LRP1B: variants seen among roughly 807,000 people sequenced by gnomAD.
LRP1B encodes the protein LDL receptor related protein 1B.
Under a neutral mutation model 556.6 loss-of-function variants are expected in LRP1B, and 217 were observed. That is an observed-to-expected ratio of 0.39 (90% CI 0.35 to 0.44). The LOEUF is 0.44. LRP1B is among the 20% of genes least tolerant of loss of function. The probability of loss-of-function intolerance (pLI) is 1.00; values close to 1 mark genes in which losing one functional copy is unlikely to be tolerated. For synonymous variants in LRP1B, 2,047 were observed against 1,865.8 expected (o/e 1.10, Z -2.50); for missense variants, 5,053 against 5,620.8 (o/e 0.90, Z 3.23).
chr2:140,328,761 AACT>A (rs1680632192), intron 79 of LRP1B, among the ~76,000 whole-genome samples: 1 of 152,024 alleles, frequency 6.6e-6, no homozygotes, highest in African/African-American at 2.4e-5. Context: ...TCAGATTAGA[AACT>A]ACATTAAAGT....
intron 83 of LRP1B, among the ~76,000 whole-genome samples, chr2:140,301,231 A>T (rs565005087): frequency 6.6e-6 from 1 of 152,100 alleles, no homozygotes; most frequent in African/African-American, 2.4e-5. Flanking sequence ...CAGCAAACAA[A>T]CCAAAAAGCA....
At chr2:141,962,550 C>T (rs1701431369) in intron 1 of LRP1B, among the ~76,000 whole-genome samples, 1 of 151,572 alleles carries the variant, frequency 6.6e-6, no homozygotes, top group Non-Finnish European at 1.5e-5. Flanking sequence ...GCAAAGTTGC[C>T]AAGAATAAAT....
intron 84 of LRP1B, among the ~76,000 whole-genome samples, chr2:140,280,412 G>A (rs1302792724): frequency 6.6e-6 from 1 of 151,710 alleles, no homozygotes; most frequent in Non-Finnish European, 1.5e-5. Flanking sequence ...GATGAGTCTA[G>A]GTACATTGGT....
chr2:141,271,464 C>T (rs1685086984), intron 3 of LRP1B, among the ~76,000 whole-genome samples: 1 of 150,312 alleles, frequency 6.7e-6, no homozygotes, highest in African/African-American at 2.4e-5. Flanking sequence ...AGGACAGAGA[C>T]AAAGAAAAAA....
At chr2:141,754,974 C>T (rs552733778) in intron 2 of LRP1B, among the ~76,000 whole-genome samples, 14 of 151,952 alleles carry the variant, frequency 9.2e-5, no homozygotes, top group Non-Finnish European at 1.9e-4. Flanking sequence ...TATAAGATAA[C>T]CCATACCAAA....
chr2:141,826,559 C>G (rs990249685), intron 1 of LRP1B, among the ~76,000 whole-genome samples: 3 of 151,988 alleles, frequency 2.0e-5, no homozygotes, highest in Admixed American at 6.6e-5. Flanking sequence ...CAGTGTTTCA[C>G]CATGTTAGCC....
intron 32 of LRP1B, among the ~76,000 whole-genome samples, chr2:140,804,648 AATTTTTTTTTTTTTTTT>A (rs1255566110): frequency 1.1e-4 from 11 of 103,892 alleles, no homozygotes; most frequent in Non-Finnish European, 1.9e-4. Context: ...GGTAAAAACT[AATTTTTTTTTTTTTTTT>A]TTTTTTTTTT....
At chr2:140,488,528 C>A (rs1008364196) in intron 57 of LRP1B, among the ~76,000 whole-genome samples, 1 of 151,840 alleles carries the variant, frequency 6.6e-6, no homozygotes. Context: ...ACATTTGATT[C>A]GATTTGAGGA....
chr2:140,928,257 G>C (rs943181732), intron 20 of LRP1B, among the ~76,000 whole-genome samples: 3 of 152,202 alleles, frequency 2.0e-5, no homozygotes, highest in Non-Finnish European at 4.4e-5. Context: ...CATAAGTGCT[G>C]TGAAGAAAAC....
chr2:141,493,505 G>T (rs1172168995), intron 2 of LRP1B, among the ~76,000 whole-genome samples: 6 of 152,148 alleles, frequency 3.9e-5, no homozygotes. Flanking sequence ...GGCAACTTGA[G>T]GGGAATCTTG....
intron 2 of LRP1B, among the ~76,000 whole-genome samples, chr2:141,567,743 AC>A (rs1226982479): frequency 7.1e-6 from 1 of 141,192 alleles, no homozygotes. Flanking sequence ...GGGAAACTAA[AC>A]AGACCTTAAA....
intron 35 of LRP1B, among the ~76,000 whole-genome samples, chr2:140,738,314 T>A (rs1688017326): frequency 6.6e-6 from 1 of 152,074 alleles, no homozygotes; most frequent in Middle Eastern, 3.2e-3. Context: ...AATTTCCTCA[T>A]GGGGCAGGTG....
At chr2:140,447,004 A>C (rs879635186) in intron 63 of LRP1B, among the ~76,000 whole-genome samples, 2 of 152,134 alleles carry the variant, frequency 1.3e-5, no homozygotes, top group Non-Finnish European at 2.9e-5. Flanking sequence ...TGAGCTGAGG[A>C]CTTGAATAGG....
At chr2:141,266,874 A>C (rs1684909176) in intron 3 of LRP1B, among the ~76,000 whole-genome samples, 1 of 152,240 alleles carries the variant, frequency 6.6e-6, no homozygotes, top group Non-Finnish European at 1.5e-5. Context: ...TTGCTAAAAA[A>C]TAAATGTATA....
In LRP1B at chr2:140,963,443, TTA is replaced by T. The variant is rs140209072; in HGVS notation, c.2888-11505_2888-11504del. Among the ~76,000 whole-genome samples, 224 of 145,636 alleles carry T rather than the reference TTA, an allele frequency of 1.5e-3. 1 individual carries two copies. The highest frequency in any genetic ancestry group is 5.0e-3 in the African/African-American group (203 of 40,856). ...TGTGTGTGTGCATGTACATGCATAT[TTA>T]TATATATATATATATTTTTAACCAA... On this transcript the variant is annotated intron_variant, in intron 18 of 90. Coordinates refer to ENST00000389484, the MANE Select transcript of LRP1B (RefSeq NM_018557.3).
At chr2:140,652,076 A>G (rs779901789) in intron 41 of LRP1B, among the ~76,000 whole-genome samples, 8 of 152,186 alleles carry the variant, frequency 5.3e-5, no homozygotes, top group Non-Finnish European at 1.0e-4. Context: ...AAAGTAGCAG[A>G]AAGTCAAAAG....
At chr2:141,703,251 C>T (rs1472683395) in intron 2 of LRP1B, among the ~76,000 whole-genome samples, 2 of 151,900 alleles carry the variant, frequency 1.3e-5, no homozygotes, top group East Asian at 1.9e-4. Context: ...TTATAAGGAA[C>T]CTCTTGGCTA....
intron 66 of LRP1B, among the ~76,000 whole-genome samples, chr2:140,427,812 C>G (rs2105277332): frequency 6.6e-6 from 1 of 152,098 alleles, no homozygotes; most frequent in African/African-American, 2.4e-5. Flanking sequence ...CCTCGCCAGG[C>G]CGAGCTAGGT....
At chr2:140,716,162 T>C (rs2105462283) in intron 36 of LRP1B, 60 bp from the exon 37 acceptor site, 1 of 1,227,018 alleles carries the variant, frequency 8.1e-7, no homozygotes, top group Non-Finnish European at 1.1e-6. Context: ...GTATTTGTCA[T>C]GACTAAAATT....
Sources: allele counts gnomAD v4.1 joint callset (sites outside exome capture counted in the v4.1 genomes callset), GRCh38; gene constraint gnomAD v4.1.1; transcripts MANE v1.5; gene names NCBI Gene and HGNC (gene_info 2026-07-23, HGNC 2026-07-21).